GPC5: variants seen among roughly 807,000 people sequenced by gnomAD.
GPC5 encodes glypican-5.
Under a neutral mutation model 53.9 loss-of-function variants are expected in GPC5, and 47 were observed. The ratio of observed to expected loss-of-function variants is 0.87; its 90% CI spans 0.69 to 1.11. The LOEUF (loss-of-function observed/expected upper bound fraction) is 1.11, where lower values mean the gene tolerates loss of function less well. Ranked by LOEUF, GPC5 falls within the 50% of genes most tolerant of loss-of-function variation. The pLI is 0.00. For missense variants in GPC5, 748 were observed against 713.1 expected (o/e 1.05, Z -0.56); for synonymous variants, 286 against 263.3 (o/e 1.09, Z -0.84).
intron 2 of GPC5, among the ~76,000 whole-genome samples, chr13:91,497,578 G>A (rs1422768539): frequency 2.6e-5 from 4 of 152,124 alleles, no homozygotes; most frequent in South Asian, 4.1e-4. Context: ...GCACAAATTA[G>A]TCTATAGAAA....
At chr13:92,311,993 C>A (rs2139211100) in intron 7 of GPC5, among the ~76,000 whole-genome samples, 1 of 152,180 alleles carries the variant, frequency 6.6e-6, no homozygotes, top group South Asian at 2.1e-4. Flanking sequence ...GGTAGCAAAG[C>A]TGAGAGAACA....
chr13:92,379,646 AG>A (rs1315637733), intron 7 of GPC5, among the ~76,000 whole-genome samples: 1 of 151,804 alleles, frequency 6.6e-6, no homozygotes, highest in East Asian at 1.9e-4. Context: ...TCCTCTGCAT[AG>A]TTCTTCCCTG....
intron 7 of GPC5, among the ~76,000 whole-genome samples, chr13:92,578,689 C>T (rs1218701781): frequency 1.3e-5 from 2 of 152,170 alleles, no homozygotes; most frequent in African/African-American, 4.8e-5. Context: ...AGATCATCTT[C>T]ACTGAATCTA....
chr13:92,085,671 G>T (rs570496161), intron 6 of GPC5, among the ~76,000 whole-genome samples: 1 of 152,278 alleles, frequency 6.6e-6, no homozygotes, highest in East Asian at 1.9e-4. Flanking sequence ...ATCAGTGGGA[G>T]CCCTGAGCTT....
chr13:92,394,610 C>A (rs1471076065), intron 7 of GPC5, among the ~76,000 whole-genome samples: 2 of 152,098 alleles, frequency 1.3e-5, no homozygotes, highest in Non-Finnish European at 1.5e-5. Flanking sequence ...CATGAACCAC[C>A]CAGTCTATGG....
intron 7 of GPC5, among the ~76,000 whole-genome samples, chr13:92,751,303 T>TAAAAAAAAAAAAAAAAAAAAA (rs71123435): frequency 2.6e-5 from 1 of 38,778 alleles, no homozygotes; most frequent in African/African-American, 8.4e-5. Flanking sequence ...CAGAAACATT[T>TAAAAAAAAAAAAAAAAAAAAA]AAAAAAAAAA....
chr13:91,880,742 T>C (rs527936547), intron 5 of GPC5, among the ~76,000 whole-genome samples: 1 of 152,330 alleles, frequency 6.6e-6, no homozygotes, highest in South Asian at 2.1e-4. Flanking sequence ...TTCCAGGCTA[T>C]AGTCAAAAGA....
rs79753820 is a variant in GPC5 at position 91,407,501 on chromosome 13, A to G, written c.163+8292A>G. The stretch of plus-strand genomic sequence containing the variant: ...TGATCTGTTGTTGAGAGAATGGAGA[A>G]AAATAAAGATGAGCAGTTATAATTT... On this transcript the variant is annotated intron_variant, in intron 1 of 7. Transcript: ENST00000377067. 2.4e-4 allele frequency among the ~76,000 whole-genome samples: 36 copies of G among 152,366 alleles called. No individual in the cohort carries two copies. The East Asian group carries it at 6.9e-3, about 29-fold the overall frequency.
intron 2 of GPC5, among the ~76,000 whole-genome samples, chr13:91,688,214 T>G (rs1057103047): frequency 6.6e-6 from 1 of 152,228 alleles, no homozygotes; most frequent in East Asian, 1.9e-4. Context: ...AATTAAAAAT[T>G]AGTACAAAAT....
At chr13:92,645,543 C>A (rs1044404130) in intron 7 of GPC5, among the ~76,000 whole-genome samples, 1 of 152,090 alleles carries the variant, frequency 6.6e-6, no homozygotes, top group Non-Finnish European at 1.5e-5. Context: ...TTGACAAAAA[C>A]CTAGAAAAGA....
At chr13:92,387,192 T>A (rs2139318732) in intron 7 of GPC5, among the ~76,000 whole-genome samples, 1 of 152,156 alleles carries the variant, frequency 6.6e-6, no homozygotes, top group East Asian at 1.9e-4. Flanking sequence ...ATTCAACCAT[T>A]CTATTTTTCA....
chr13:92,719,101 GAC>G (rs1409807248), intron 7 of GPC5, among the ~76,000 whole-genome samples: 1 of 151,298 alleles, frequency 6.6e-6, no homozygotes, highest in African/African-American at 2.4e-5. Flanking sequence ...GATAATAAAA[GAC>G]TAATAAAAAA....
intron 5 of GPC5, among the ~76,000 whole-genome samples, chr13:91,835,446 T>C (rs1376247917): frequency 6.6e-6 from 1 of 152,206 alleles, no homozygotes; most frequent in Non-Finnish European, 1.5e-5. Context: ...CATATGTTTA[T>C]TGTGGCACTA....
intron 7 of GPC5, among the ~76,000 whole-genome samples, chr13:92,472,662 G>T (rs1253358663): frequency 1.3e-5 from 2 of 152,040 alleles, no homozygotes; most frequent in Non-Finnish European, 2.9e-5. Context: ...CTCATTTGTA[G>T]ATGAATATCC....
At chr13:92,548,957 G>A (rs936055482) in intron 7 of GPC5, among the ~76,000 whole-genome samples, 2 of 152,048 alleles carry the variant, frequency 1.3e-5, no homozygotes, top group African/African-American at 4.8e-5. Flanking sequence ...GAAGGTGACA[G>A]GTGGTACAAT....
intron 7 of GPC5, among the ~76,000 whole-genome samples, chr13:92,318,497 T>C (rs1190468932): frequency 1.3e-5 from 2 of 152,204 alleles, no homozygotes; most frequent in African/African-American, 2.4e-5. Context: ...TTTTTGTGTA[T>C]GTATTGCCTT....
rs1311103506 is a variant in GPC5, at chr13:91,481,147, G to GT, written c.325+32231dup. Among the ~76,000 whole-genome samples the GT allele has an allele frequency of 2.6e-5, 4 of 152,102 alleles. 1 individual carries two copies. The South Asian group carries it at 8.3e-4, about 32-fold the overall frequency. ...TGAAGAACATCCTTAGACTACATTTGTTTTTTCTGCAGAGAATGTCTTGTG... is the reference window on the plus strand; with the variant it reads ...TGAAGAACATCCTTAGACTACATTTGTTTTTTTCTGCAGAGAATGTCTTGTG... On this transcript the variant is annotated intron_variant, in intron 2 of 7. Coordinates refer to ENST00000377067, the MANE Select transcript of GPC5 (RefSeq NM_004466.6).
At chr13:91,655,548 A>T (rs1594387233) in intron 2 of GPC5, among the ~76,000 whole-genome samples, 1 of 152,094 alleles carries the variant, frequency 6.6e-6, no homozygotes, top group Admixed American at 6.6e-5. Context: ...ATCTCAAAAG[A>T]TATTTAAAAA....
chr13:91,540,295 C>T (rs1476953597), intron 2 of GPC5, among the ~76,000 whole-genome samples: 1 of 152,356 alleles, frequency 6.6e-6, no homozygotes, highest in African/African-American at 2.4e-5. Flanking sequence ...CAACACTTCT[C>T]TGCCTTGTAA....
Sources: gnomAD v4.1 joint callset for allele counts (sites outside exome capture counted in the v4.1 genomes callset) on GRCh38, gnomAD v4.1.1 for gene constraint, MANE v1.5 for transcripts, NCBI Gene and HGNC (gene_info 2026-07-23, HGNC 2026-07-21) for gene names.